The following NMT1 variants were observed in gnomAD, a reference collection of about 807,000 sequenced individuals.
The protein encoded by NMT1 is glycylpeptide N-tetradecanoyltransferase 1.
In NMT1, 12 loss-of-function variants were observed where a neutral mutation model predicts 63.4. The observed-to-expected ratio is 0.19, with a 90% CI of 0.12 to 0.31. The LOEUF (loss-of-function observed/expected upper bound fraction) is 0.31, where lower values mean the gene tolerates loss of function less well. NMT1 is among the 10% of genes least tolerant of loss of function. The probability of loss-of-function intolerance (pLI) is 1.00; values close to 1 mark genes in which losing one functional copy is unlikely to be tolerated. For missense variants in NMT1, 432 were observed against 634.6 expected (o/e 0.68, Z 3.43); for synonymous variants, 228 against 234.3 (o/e 0.97, Z 0.25).
intron 1 of NMT1, among the ~76,000 whole-genome samples, chr17:45,075,509 T>C (rs4793169): frequency 0.6 from 88,270 of 147,486 alleles, 26,413 homozygotes; most frequent in Middle Eastern, 0.67. Flanking sequence ...TGGCTGGGCG[T>C]GGTGGCTCAC....
At chr17:45,062,650 G>C (rs753286803) in intron 1 of NMT1, among the ~76,000 whole-genome samples, 1 of 152,132 alleles carries the variant, frequency 6.6e-6, no homozygotes, top group Non-Finnish European at 1.5e-5. Context: ...TCAGTAACAT[G>C]CAGCAGCCTA....
At chr17:45,081,581 G>T (rs2054017446) in intron 1 of NMT1, 63 bp from the exon 2 acceptor site, 3 of 1,411,408 alleles carry the variant, frequency 2.1e-6, no homozygotes, top group Non-Finnish European at 2.9e-6. Context: ...AAAGCTCTTT[G>T]TCAGGGGTAG....
intron 1 of NMT1, among the ~76,000 whole-genome samples, chr17:45,076,880 T>C (rs1193361817): frequency 6.6e-6 from 1 of 151,942 alleles, no homozygotes; most frequent in Non-Finnish European, 1.5e-5. Context: ...ATAAAGAAAA[T>C]GAAATTTGCT....
chr17:45,078,579 T>C (rs77981506), intron 1 of NMT1, among the ~76,000 whole-genome samples: 4,383 of 152,258 alleles, frequency 0.029, 81 homozygotes, highest in Non-Finnish European at 0.042. Context: ...CTTTCTGAAT[T>C]ATAAATTGTA....
chr17:45,087,118 G>A (rs1284276629), intron 3 of NMT1, among the ~76,000 whole-genome samples: 6 of 151,718 alleles, frequency 4.0e-5, no homozygotes, highest in Non-Finnish European at 7.4e-5. Context: ...CTGAGATCAC[G>A]CCACCGCACT....
At chr17:45,083,127 C>T (rs2054027278) in intron 2 of NMT1, among the ~76,000 whole-genome samples, 1 of 151,714 alleles carries the variant, frequency 6.6e-6, no homozygotes, top group Non-Finnish European at 1.5e-5. Flanking sequence ...CCAGCCTGGC[C>T]AACATGGTGA....
chr17:45,080,137 ATC>A (rs1281293411), intron 1 of NMT1, among the ~76,000 whole-genome samples: 7 of 149,824 alleles, frequency 4.7e-5, no homozygotes, highest in African/African-American at 1.7e-4. Flanking sequence ...AATCCTGCAG[ATC>A]TGGTTTAGGC....
chr17:45,084,921 C>G (rs1317904373), intron 2 of NMT1, among the ~76,000 whole-genome samples: 2 of 152,046 alleles, frequency 1.3e-5, no homozygotes, highest in Non-Finnish European at 2.9e-5. Flanking sequence ...TAACTTCATC[C>G]TACAGAAATA....
intron 5 of NMT1, 47 bp from the exon 6 acceptor site, chr17:45,097,081 C>A: frequency 6.5e-7 from 1 of 1,548,582 alleles, no homozygotes; most frequent in Non-Finnish European, 8.9e-7. Context: ...AGCGGCTTGT[C>A]CAGCCTGCCG....
Position 45,097,110 on chromosome 17 carries a change from C to T in NMT1, c.597-18C>T. 6.2e-7 allele frequency: 1 copy of T among 1,607,952 alleles called. No individual in the cohort carries two copies. On this transcript the variant is annotated intron_variant, in intron 5 of 11. Transcript: ENST00000258960. Reference sequence around the variant, plus strand: ...CCTGCCGGCAAGCAGCACAACCACCCCAGCCTCTCTTTTCCAGGGCTCTCC... The same window carrying T: ...CCTGCCGGCAAGCAGCACAACCACCTCAGCCTCTCTTTTCCAGGGCTCTCC...
intron 3 of NMT1, among the ~76,000 whole-genome samples, chr17:45,086,924 C>T (rs946524755): frequency 1.3e-5 from 2 of 151,586 alleles, no homozygotes; most frequent in African/African-American, 2.4e-5. Context: ...TTTGGGAGGC[C>T]GAGGTGGGAG....
At chr17:45,102,874 G>C (rs1646547574) in intron 8 of NMT1, 77 bp from the exon 9 acceptor site, 8 of 1,380,088 alleles carry the variant, frequency 5.8e-6, no homozygotes, top group Non-Finnish European at 3.0e-6. Flanking sequence ...CTCTCTTGAG[G>C]GCCTGATCTG....
At chr17:45,078,822 C>T (rs2053994245) in intron 1 of NMT1, among the ~76,000 whole-genome samples, 1 of 151,988 alleles carries the variant, frequency 6.6e-6, no homozygotes, top group Non-Finnish European at 1.5e-5. Flanking sequence ...ACCACCACAC[C>T]TGGCTAATTT....
In NMT1 at chr17:45,104,029, G is replaced by A. The variant is rs759834217; in HGVS notation, c.1332+153G>A. On this transcript the variant is annotated intron_variant, in intron 10 of 11. Coordinates refer to ENST00000258960, the MANE Select transcript of NMT1 (RefSeq NM_021079.5). The surrounding 1 kb of genome is among the most constrained non-coding windows in gnomAD (Gnocchi z 4.2). Reference sequence around the variant, plus strand: ...TAGGCAGGGTTCCCGCAGTTTTTAGGCAGAAACTCAAAACTTGGAGGGAAC... The same window carrying A: ...TAGGCAGGGTTCCCGCAGTTTTTAGACAGAAACTCAAAACTTGGAGGGAAC... 3 of 1,578,658 alleles carry A rather than the reference G, an allele frequency of 1.9e-6. No homozygotes were observed. The highest frequency in any genetic ancestry group is 2.3e-5 in the South Asian group (2 of 88,760).
intron 8 of NMT1, among the ~76,000 whole-genome samples, chr17:45,101,928 G>A (rs1003186924): frequency 5.3e-5 from 8 of 152,212 alleles, no homozygotes; most frequent in Non-Finnish European, 8.8e-5. Context: ...TCTGCCTTGC[G>A]TTCTAGGCCG....
intron 1 of NMT1, among the ~76,000 whole-genome samples, chr17:45,076,206 C>T (rs989072088): frequency 3.3e-5 from 5 of 152,138 alleles, no homozygotes; most frequent in Admixed American, 2.0e-4. Context: ...TGTGAAGTGG[C>T]GTTGGCTTGC....
intron 1 of NMT1, 84 bp from the exon 2 acceptor site, chr17:45,081,560 T>G (rs1359221653): frequency 8.3e-7 from 1 of 1,210,440 alleles, no homozygotes; most frequent in Admixed American, 2.1e-5. Flanking sequence ...AAGGAAGGTC[T>G]GGCTCCACAG....
rs149186800 is a variant in NMT1 at position 45,101,216 on chromosome 17, G to A, written c.993+1703G>A. Among the ~76,000 whole-genome samples, 537 of 151,344 alleles carry A rather than the reference G, an allele frequency of 3.5e-3. 2 individuals are homozygous for A. Among genetic ancestry groups the A allele is most frequent in the Non-Finnish European group, 3.5e-3 (234 of 67,794 alleles). On this transcript the variant is annotated intron_variant, in intron 8 of 11. Coordinates refer to ENST00000258960, the MANE Select transcript of NMT1 (RefSeq NM_021079.5). Reference sequence around the variant, plus strand: ...ACAACAACAACAAAAAAAGGATTTTGCCATGTTGCCCAGGCTCATCTGAAT... The same window carrying A: ...ACAACAACAACAAAAAAAGGATTTTACCATGTTGCCCAGGCTCATCTGAAT...
chr17:45,096,404 C>T, intron 5 of NMT1, 119 bp downstream of exon 5: 1 of 766,684 alleles, frequency 1.3e-6, no homozygotes, highest in South Asian at 1.5e-5. Context: ...ATTAGTGTGT[C>T]ATTTTTGAGT....
Sources: allele counts gnomAD v4.1 joint callset (sites outside exome capture counted in the v4.1 genomes callset), GRCh38; gene constraint gnomAD v4.1.1; non-coding constraint Gnocchi (gnomAD v3.1); transcripts MANE v1.5; gene names NCBI Gene and HGNC (gene_info 2026-07-23, HGNC 2026-07-21).